The following KIF7 variants were observed in gnomAD, a reference collection of about 807,000 sequenced individuals.
KIF7 encodes kinesin family member 7, also known as kinesin-like protein KIF7.
A neutral mutation model predicts 135.7 loss-of-function variants in KIF7; 104 were observed. The observed-to-expected ratio is 0.77, with a 90% CI of 0.65 to 0.90. The LOEUF is 0.90. KIF7 is among the 40% of genes least tolerant of loss of function. The pLI, the probability that KIF7 is intolerant of heterozygous loss-of-function variation, is 0.00. For missense variants in KIF7, 2,005 were observed against 1,839.1 expected (o/e 1.09, Z -1.65); for synonymous variants, 883 against 809.4 (o/e 1.09, Z -1.54).
chr15:89,629,198 CTGTGGGCTGGGTG>C (rs1963611105), intron 17 of KIF7, 76 bp from the exon 18 acceptor site: 8 of 83,020 alleles, frequency 9.6e-5, no homozygotes, highest in Non-Finnish European at 2.1e-4. Flanking sequence ...GGGGTGGGGG[CTGTGGGCTGGGTG>C]GGGGCCGGGG....
At chr15:89,662,820 CT>C in the KIF7 span, among the ~76,000 whole-genome samples, 2 of 152,340 alleles carry the variant, frequency 1.3e-5, no homozygotes, top group African/African-American at 4.8e-5. Flanking sequence ...CTACTTTGCC[CT>C]TGTTACTGGC....
At chr15:89,619,613 TG>T in intron 1 of KIF7, 1 of 1,296,028 alleles carries the variant, frequency 7.7e-7, no homozygotes, top group Non-Finnish European at 1.1e-6. Flanking sequence ...ATCTTATATG[TG>T]GTACTATGTA....
chr15:89,649,775 G>T lies in KIF7; in HGVS notation c.495C>A (p.Asp165Glu). Residue 165 changes from aspartate to glutamate, a missense_variant, in exon 3 of 19, where the codon GAC (aspartate) becomes GAA (glutamate). Transcript: ENST00000394412. Reference protein sequence around the residue: ...DLLEVGTASRDIQLREDERGN... With the variant: ...DLLEVGTASREIQLREDERGN... ...CGCGCTCATCTTCCCGGAGCTGGATGTCACGGCTGGCAGTGCCCACCTCGA... is the reference window on the plus strand; with the variant it reads ...CGCGCTCATCTTCCCGGAGCTGGATTTCACGGCTGGCAGTGCCCACCTCGA... 1 of 1,551,856 alleles carries T rather than the reference G, an allele frequency of 6.4e-7. No homozygotes were observed. The highest frequency in any genetic ancestry group is 8.7e-7 in the Non-Finnish European group (1 of 1,147,020).
Position 89,648,981 on chromosome 15 carries a change from T to C in KIF7, c.916A>G (p.Ile306Val), listed in dbSNP as rs564429116. Residue 306 changes from isoleucine (I) to valine (V), a missense_variant, in exon 4 of 19, where the codon ATC becomes GTC. Transcript: ENST00000394412. ...AGCCAGGGGGCAGCTCACCGGGTGATCTTGGAGTCGCGGTAGGGTATGTGG... is the reference window on the plus strand; with the variant it reads ...AGCCAGGGGGCAGCTCACCGGGTGACCTTGGAGTCGCGGTAGGGTATGTGG... ...GSHIPYRDSK[I>V]TRILKDSLGG... 4 of 1,537,770 alleles carry C rather than the reference T, an allele frequency of 2.6e-6. No homozygotes were observed. The African/African-American group carries it at 4.1e-5, about 16-fold the overall frequency.
In KIF7 at chr15:89,631,712, T is replaced by TG. The variant is rs778671025; in HGVS notation, c.2896-3dup. On this transcript the variant is annotated splice_region_variant and splice_polypyrimidine_tract_variant and intron_variant, in intron 14 of 18. Coordinates refer to ENST00000394412, the MANE Select transcript of KIF7 (RefSeq NM_198525.3). ...TCGCACGATGTCCTCGTTGAGGGCC[T>TG]GGGGGCAGAATCACCAGGGATTAGA... is the stretch of plus-strand genomic sequence containing the variant. 11 of 1,549,970 alleles carry TG rather than the reference T, an allele frequency of 7.1e-6. No individual in the cohort carries two copies. The highest frequency in any genetic ancestry group is 6.0e-5 in the South Asian group (5 of 84,032).
At chr15:89,636,186 C>A (rs1273175737) in intron 11 of KIF7, among the ~76,000 whole-genome samples, 1 of 152,044 alleles carries the variant, frequency 6.6e-6, no homozygotes, top group African/African-American at 2.4e-5. Flanking sequence ...AAGCGCTAAA[C>A]ATGGAAAGGA....
intron 16 of KIF7, 67 bp from the exon 17 acceptor site, chr15:89,629,640 A>G (rs1963629034): frequency 6.3e-7 from 1 of 1,593,402 alleles, no homozygotes; most frequent in Non-Finnish European, 8.5e-7. Flanking sequence ...ATCCTCAATC[A>G]CAGACACAGT....
intron 11 of KIF7, among the ~76,000 whole-genome samples, chr15:89,639,754 A>T (rs1156275664): frequency 1.3e-5 from 2 of 150,366 alleles, no homozygotes; most frequent in East Asian, 1.9e-4. Context: ...GGGATCTAGA[A>T]CTAGAAATAC....
chr15:89,626,016 C>G, downstream of KIF7: 1 of 1,613,670 alleles, frequency 6.2e-7, no homozygotes, highest in Admixed American at 1.7e-5. Flanking sequence ...GTCTCCGCTG[C>G]TGTTCCAGGG....
At position 89,649,150 on chromosome 15, in the gene KIF7, G is replaced by C. The variant is rs1046713732; in HGVS notation, c.747C>G (p.His249Gln). ...TCTCTGAGCCCGCCAGGTCCACGAA[G>C]TGGAACTTGGAGACGAGCAGCTGGC... is the stretch of plus-strand genomic sequence containing the variant. ...APGQLLVSKF[H>Q]FVDLAGSERV... is the part of the protein sequence containing the mutation. Residue 249 changes from histidine (H) to glutamine (Q), a missense_variant, in exon 4 of 19, where the codon CAC becomes CAG. Transcript: ENST00000394412. The C allele has an allele frequency of 4.5e-6, 7 of 1,548,220 alleles. No homozygotes were observed. In the East Asian group the frequency reaches 1.2e-4, roughly 27 times the overall value.
chr15:89,621,789 TTC>T (rs1456417041), intron 1 of KIF7, among the ~76,000 whole-genome samples: 1 of 152,112 alleles, frequency 6.6e-6, no homozygotes, highest in Non-Finnish European at 1.5e-5. Context: ...ATCTCATCTG[TTC>T]TCTTGGCTTT....
intron 5 of KIF7, 105 bp from the exon 6 acceptor site, chr15:89,647,817 T>C (rs1470706484): frequency 5.4e-6 from 5 of 923,766 alleles, no homozygotes; most frequent in Non-Finnish European, 8.1e-6. Flanking sequence ...TTCCAAGCCC[T>C]ACCTGCAGTG....
At chr15:89,622,774 G>C (rs1250227652) in intron 1 of KIF7, among the ~76,000 whole-genome samples, 2 of 152,130 alleles carry the variant, frequency 1.3e-5, no homozygotes, top group East Asian at 3.9e-4. Flanking sequence ...CCAGGCCTTT[G>C]CTAGTATTGT....
chr15:89,662,928 T>C, the KIF7 span, among the ~76,000 whole-genome samples: 4 of 152,216 alleles, frequency 2.6e-5, no homozygotes, highest in Middle Eastern at 3.2e-3. Context: ...ACTTACACTG[T>C]TTGCTTCCTG....
intron 2 of KIF7, among the ~76,000 whole-genome samples, chr15:89,650,921 A>G (rs1964113310): frequency 6.6e-6 from 1 of 152,034 alleles, no homozygotes; most frequent in African/African-American, 2.4e-5. Context: ...AGAAATGTTC[A>G]TGATACATTT....
At chr15:89,649,437 A>G (rs907778409) in intron 3 of KIF7, 70 bp from the exon 4 acceptor site, 99 of 1,421,156 alleles carry the variant, frequency 7.0e-5, no homozygotes, top group Non-Finnish European at 7.7e-5. Context: ...GGGCAGGCAG[A>G]GCAGAACTAG....
At chr15:89,653,422 A>T (rs1596081273) in intron 1 of KIF7, among the ~76,000 whole-genome samples, 1 of 152,214 alleles carries the variant, frequency 6.6e-6, no homozygotes, top group African/African-American at 2.4e-5. Context: ...AAATCCTGCC[A>T]ATTCCATCTC....
chr15:89,631,457 A>G (rs1453194604), intron 15 of KIF7, 38 bp downstream of exon 15: 6 of 1,512,130 alleles, frequency 4.0e-6, no homozygotes, highest in Admixed American at 2.0e-5. Flanking sequence ...CAGGCATACA[A>G]TGGCACCAAG....
downstream of KIF7, chr15:89,624,572 G>C: frequency 6.2e-7 from 1 of 1,613,914 alleles, no homozygotes; most frequent in Non-Finnish European, 8.5e-7. Flanking sequence ...ACAGACTCTA[G>C]AGATGACCAG....
Sources: allele counts gnomAD v4.1 joint callset (sites outside exome capture counted in the v4.1 genomes callset), GRCh38; gene constraint gnomAD v4.1.1; transcripts MANE v1.5; gene names NCBI Gene and HGNC (gene_info 2026-07-23, HGNC 2026-07-21).